The following TENM1 variants were observed in gnomAD, a reference collection of about 807,000 sequenced individuals.
The protein encoded by TENM1 is teneurin transmembrane protein 1.
A neutral mutation model predicts 174.8 loss-of-function variants in TENM1; 35 were observed. The ratio of observed to expected loss-of-function variants is 0.20; its 90% confidence interval spans 0.15 to 0.27. TENM1 has a LOEUF of 0.27. TENM1 is among the 10% of genes least tolerant of loss of function. The pLI, the probability that TENM1 is intolerant of heterozygous loss-of-function variation, is 1.00. For synonymous variants in TENM1, 781 were observed against 798.7 expected (o/e 0.98, Z 0.37); for missense variants, 1,633 against 2,130.1 (o/e 0.77, Z 4.59).
chrX:124,625,415 T>C (rs2050613347), intron 11 of TENM1, among the ~76,000 whole-genome samples: 1 of 111,138 alleles, frequency 9.0e-6, no homozygotes, highest in Non-Finnish European at 1.9e-5. Context: ...AGGTCTACTA[T>C]GCATCATGGT....
chrX:124,533,961 T>C (rs2048158861), intron 15 of TENM1, among the ~76,000 whole-genome samples: 2 of 111,619 alleles, frequency 1.8e-5, no homozygotes, highest in Admixed American at 9.5e-5. Context: ...CTCCCTGCTG[T>C]TGTTGGTTAG....
intron 3 of TENM1, among the ~76,000 whole-genome samples, chrX:124,839,264 A>G (rs1448973690): frequency 8.9e-6 from 1 of 112,007 alleles, no homozygotes; most frequent in African/African-American, 3.2e-5. Context: ...TTACATATAT[A>G]GTAACATTAT....
chrX:125,197,220 C>T, the TENM1 span, among the ~76,000 whole-genome samples: 1 of 111,559 alleles, frequency 9.0e-6, no homozygotes, highest in Non-Finnish European at 1.9e-5. Context: ...CGATTCCAAA[C>T]CTTAAAACAT....
At chrX:124,823,957 A>C (rs187062908) in intron 3 of TENM1, among the ~76,000 whole-genome samples, 132 of 111,668 alleles carry the variant, frequency 1.2e-3, no homozygotes, top group African/African-American at 4.2e-3. Context: ...TTAACATATC[A>C]TGAAAAACAC....
intron 11 of TENM1, among the ~76,000 whole-genome samples, chrX:124,615,198 A>T (rs1415010244): frequency 8.9e-6 from 1 of 112,478 alleles, no homozygotes; most frequent in African/African-American, 3.2e-5. Context: ...ATGTTGGTTG[A>T]AGTAGCATTT....
the TENM1 span, among the ~76,000 whole-genome samples, chrX:125,179,392 C>T: frequency 5.4e-5 from 6 of 110,272 alleles, no homozygotes; most frequent in East Asian, 5.8e-4. Flanking sequence ...GGCAGGAGGA[C>T]GGCTTGGGGC....
chrX:125,072,127 C>G, the TENM1 span, among the ~76,000 whole-genome samples: 1 of 110,118 alleles, frequency 9.1e-6, no homozygotes, highest in African/African-American at 3.3e-5. Flanking sequence ...TTTTTTTCTT[C>G]TACAAAAAAC....
chrX:125,021,807 G>A, the TENM1 span, among the ~76,000 whole-genome samples: 4 of 112,272 alleles, frequency 3.6e-5, no homozygotes, highest in African/African-American at 1.3e-4. Context: ...TTGATTTTTT[G>A]TTTTAACAAT....
intron 15 of TENM1, among the ~76,000 whole-genome samples, chrX:124,539,034 T>C (rs1035600994): frequency 9.0e-6 from 1 of 111,657 alleles, no homozygotes; most frequent in African/African-American, 3.3e-5. Context: ...TCAAATTTTC[T>C]CAATGTCCTC....
chrX:124,742,180 G>GT (rs773943400), intron 3 of TENM1, among the ~76,000 whole-genome samples: 202 of 111,299 alleles, frequency 1.8e-3, no homozygotes, highest in African/African-American at 6.4e-3. Context: ...CCCTAAATAT[G>GT]TTTTTTCCCA....
At chrX:124,642,022 T>C (rs1602881173) in intron 10 of TENM1, 31 bp from the exon 14 acceptor site, 1 of 1,066,518 alleles carries the variant, frequency 9.4e-7, no homozygotes, top group African/African-American at 1.8e-5. Context: ...GGGGGAGGGG[T>C]GATTAATAGT....
chrX:124,418,104 A>T (rs2060613763), intron 25 of TENM1, among the ~76,000 whole-genome samples: 1 of 112,474 alleles, frequency 8.9e-6, no homozygotes, highest in Non-Finnish European at 1.9e-5. Context: ...AAGTTGGCTT[A>T]TATCACTTCT....
At chrX:124,938,911 C>T (rs2058285035) in intron 1 of TENM1, among the ~76,000 whole-genome samples, 1 of 111,467 alleles carries the variant, frequency 9.0e-6, no homozygotes, top group African/African-American at 3.3e-5. Flanking sequence ...CCCATTCAGT[C>T]CAAGCTGGCT....
rs766441112 is a variant in TENM1 at position 124,815,126 on chromosome X, T to C, written c.536-77929A>G. 1.1e-3 allele frequency among the ~76,000 whole-genome samples: 122 copies of C among 111,771 alleles called. 1 individual carries two copies. Among genetic ancestry groups the C allele is most frequent in the African/African-American group, 3.9e-3 (120 of 30,824 alleles). On this transcript the variant is annotated intron_variant, in intron 3 of 31. Transcript: ENST00000422452. ...TCCTAATGAGGAGTTCAAGAGGCTA[T>C]GCATGGCTGTGGATAGCTGGTAGGC... is the stretch of plus-strand genomic sequence containing the variant.
rs140476009 is a variant in TENM1, at chrX:124,420,733, G to A, written c.4560C>T (p.Leu1520=). The A allele has an allele frequency of 1.9e-4, 225 of 1,209,539 alleles. 2 individuals are homozygous for A. The African/African-American group carries it at 3.3e-3, about 18-fold the overall frequency. ...TGATGGTACGAATTCGAACATTTCC[G>A]AGGTCTGCCACATAGAGGGTTCCAT... Residue 1520 remains leucine, a synonymous_variant, in exon 25 of 32, where the codon CTC becomes CTT. Coordinates refer to ENST00000422452, the Ensembl canonical transcript of TENM1.
At chrX:124,883,708 GGCAGGT>G (rs1427134894) in intron 3 of TENM1, among the ~76,000 whole-genome samples, 1 of 112,042 alleles carries the variant, frequency 8.9e-6, no homozygotes, top group Non-Finnish European at 1.9e-5. Context: ...CAGTGGCTGT[GGCAGGT>G]TGGACAGGCC....
chrX:124,658,541 C>A (rs760979269), intron 6 of TENM1, among the ~76,000 whole-genome samples: 1 of 111,462 alleles, frequency 9.0e-6, no homozygotes, highest in South Asian at 3.8e-4. Context: ...AAGTAGATGT[C>A]AAGAATTTAC....
intron 3 of TENM1, among the ~76,000 whole-genome samples, chrX:124,780,247 AC>A (rs1288608158): frequency 2.7e-5 from 3 of 112,498 alleles, no homozygotes; most frequent in Non-Finnish European, 5.6e-5. Context: ...GGTTAAAATT[AC>A]AACCCTTCAA....
At chrX:125,193,490 G>A in the TENM1 span, among the ~76,000 whole-genome samples, 1,893 of 111,504 alleles carry the variant, frequency 0.017, 49 homozygotes, top group African/African-American at 0.058. Flanking sequence ...CAAGTAGTTC[G>A]GACAATAGGC....
Sources: allele counts gnomAD v4.1 joint callset (sites outside exome capture counted in the v4.1 genomes callset), GRCh38; gene constraint gnomAD v4.1.1; transcripts MANE v1.5; gene names NCBI Gene and HGNC (gene_info 2026-07-23, HGNC 2026-07-21).